Variants in STARD9 observed in about 807,000 individuals in gnomAD.
STARD9 encodes the protein stAR-related lipid transfer protein 9.
Under a neutral mutation model 399.8 loss-of-function variants are expected in STARD9, and 346 were observed. The observed-to-expected ratio is 0.87, with a 90% CI of 0.79 to 0.95. The LOEUF (loss-of-function observed/expected upper bound fraction) is 0.95, where lower values mean the gene tolerates loss of function less well. STARD9 is among the 40% of genes least tolerant of loss of function. The probability of loss-of-function intolerance (pLI) is 0.00; values close to 1 mark genes in which losing one functional copy is unlikely to be tolerated. For missense variants in STARD9, 5,832 were observed against 5,667.5 expected, an observed-to-expected ratio of 1.03 and a Z score of -0.93; for synonymous variants, 2,203 against 2,143.5, an observed-to-expected ratio of 1.03 and a Z score of -0.77.
At chr15:42,679,954 C>T (rs908966396) in intron 20 of STARD9, among the ~76,000 whole-genome samples, 4 of 152,102 alleles carry the variant, frequency 2.6e-5, no homozygotes, top group African/African-American at 7.2e-5. Context: ...GATATAGTTC[C>T]AGCATCAAAC....
At chr15:42,678,815 C>G (rs571516103) in intron 20 of STARD9, among the ~76,000 whole-genome samples, 1 of 152,318 alleles carries the variant, frequency 6.6e-6, no homozygotes, top group South Asian at 2.1e-4. Context: ...CCTTTGTAAT[C>G]TAGCCAGACA....
At chr15:42,581,456 G>C in intron 1 of STARD9, 2 of 1,531,476 alleles carry the variant, frequency 1.3e-6, no homozygotes, top group Non-Finnish European at 1.8e-6. Context: ...GGCTCTGGCT[G>C]GGCTGGTGGC....
rs531860719 is a variant in STARD9 at position 42,714,764 on chromosome 15, A to G, written c.13285-1913A>G. Among the ~76,000 whole-genome samples the G allele has an allele frequency of 3.3e-5, 5 of 151,486 alleles. No individual in the cohort carries two copies. In the East Asian group the frequency reaches 7.8e-4, roughly 24 times the overall value. ...TTATATTTTCTTGTAATACTTTTATACTCCTCCATCTCCCAGTATATCTTT... is the reference window on the plus strand; with the variant it reads ...TTATATTTTCTTGTAATACTTTTATGCTCCTCCATCTCCCAGTATATCTTT... On this transcript the variant is annotated intron_variant, in intron 26 of 32. Coordinates refer to ENST00000290607, the MANE Select transcript of STARD9 (RefSeq NM_020759.3).
rs967153235 is a variant in STARD9 at position 42,575,651 on chromosome 15, C to T, written c.-65C>T. 3.4e-5 allele frequency: 52 copies of T among 1,513,596 alleles called. No homozygotes were observed. The highest frequency in any genetic ancestry group is 4.5e-4 in the Middle Eastern group (2 of 4,436). The allele number at this position is 1,513,596 out of a possible 1,614,324, so 93.8% of individuals were successfully genotyped here. A position where few individuals can be genotyped will look rare whatever the true frequency, so the allele number is the denominator to read the frequency against. On this transcript the variant is annotated 5_prime_UTR_variant, in exon 1 of 33. Transcript: ENST00000290607. ...GGGCTGGGTTGGGGCTGTGTCTGGG[C>T]TTAGGGCGGGGGCCTGGGATGCTGC... is the stretch of plus-strand genomic sequence containing the variant.
chr15:42,687,008 C>T lies in STARD9; in HGVS notation c.5430C>T (p.Ala1810=). ...VLLQNQNSKI[A]SSQQVTAEIP... is the part of the protein sequence containing the mutation. ...TACAAAACCAGAATTCTAAGATTGC[C>T]TCATCTCAGCAGGTCACAGCTGAGA... Residue 1810 remains alanine, a synonymous_variant, in exon 23 of 33, where the codon GCC becomes GCT. Transcript: ENST00000290607. 1 of 1,536,954 alleles carries T rather than the reference C, an allele frequency of 6.5e-7. No individual in the cohort carries two copies. The highest frequency in any genetic ancestry group is 8.7e-7 in the Non-Finnish European group (1 of 1,146,854).
chr15:42,694,990 C>T (rs1324992174), intron 24 of STARD9, 150 bp from the exon 25 acceptor site: 14 of 783,138 alleles, frequency 1.8e-5, no homozygotes, highest in Middle Eastern at 3.8e-4. Context: ...AGCAACCTCT[C>T]CTGAGGCTAA....
At chr15:42,681,797 GA>G (rs1315141606) in intron 21 of STARD9, among the ~76,000 whole-genome samples, 185 bp downstream of exon 21, 1 of 152,208 alleles carries the variant, frequency 6.6e-6, no homozygotes, top group East Asian at 1.9e-4. Context: ...CAAGAATAAG[GA>G]CGCTAATTTC....
At chr15:42,581,267 G>GA (rs1229962543) in intron 1 of STARD9, 1 of 911,076 alleles carries the variant, frequency 1.1e-6, no homozygotes, top group Non-Finnish European at 1.9e-6. Flanking sequence ...ATATTGGGCA[G>GA]ATGGCAGGTG....
chr15:42,611,680 A>G (rs1392346343), intron 3 of STARD9, among the ~76,000 whole-genome samples: 2 of 152,064 alleles, frequency 1.3e-5, no homozygotes, highest in South Asian at 2.1e-4. Context: ...CAGTGTGTCT[A>G]CTTTATGCTT....
intron 8 of STARD9, 90 bp downstream of exon 8, chr15:42,651,175 T>C: frequency 1.1e-6 from 1 of 904,312 alleles, no homozygotes; most frequent in South Asian, 1.7e-5. Flanking sequence ...TAATGACACT[T>C]AAAATTGTCT....
chr15:42,683,586 TTCTTTTTTCTCTC>T (rs1405849916), intron 22 of STARD9, among the ~76,000 whole-genome samples: 1 of 152,220 alleles, frequency 6.6e-6, no homozygotes, highest in Admixed American at 6.5e-5. Flanking sequence ...ATTTACAGTT[TTCTTTTTTCTCTC>T]TCTTTTTTCT....
chr15:42,663,919 T>G lies in STARD9; in HGVS notation c.1176+2T>G. The G allele has an allele frequency of 6.6e-7, 1 of 1,524,640 alleles. No homozygotes were observed. Among genetic ancestry groups the G allele is most frequent in the Non-Finnish European group, 8.8e-7 (1 of 1,135,546 alleles). The allele number at this position is 1,524,640 out of a possible 1,614,324, so 94.4% of individuals were successfully genotyped here. On this transcript the variant is annotated splice_donor_variant, in intron 13 of 32. Coordinates refer to ENST00000290607, the MANE Select transcript of STARD9 (RefSeq NM_020759.3). LOFTEE classifies it high-confidence loss of function. ...ATCAACAAGCCACGAGTAAATGAGG[T>G]GAGACCTTTTCAGAAGTCCTGGTCT...
At chr15:42,588,997 T>A (rs2058342681) in intron 3 of STARD9, among the ~76,000 whole-genome samples, 1 of 151,650 alleles carries the variant, frequency 6.6e-6, no homozygotes, top group African/African-American at 2.4e-5. Flanking sequence ...GTATTTTTAG[T>A]AGAGACAGGG....
chr15:42,712,676 A>C (rs567147466), intron 26 of STARD9, among the ~76,000 whole-genome samples: 1 of 152,152 alleles, frequency 6.6e-6, no homozygotes, highest in Non-Finnish European at 1.5e-5. Flanking sequence ...ATTGATCTAC[A>C]TATCTATCCT....
chr15:42,695,968 G>T, intron 26 of STARD9, 88 bp downstream of exon 26: 1 of 1,406,390 alleles, frequency 7.1e-7, no homozygotes, highest in Non-Finnish European at 9.4e-7. Context: ...TGGAGTTTGG[G>T]CAAGACGCCG....
rs142538022 is a variant in STARD9, at chr15:42,619,796, A to G, written c.235-15060A>G. On this transcript the variant is annotated intron_variant, in intron 3 of 32. Transcript: ENST00000290607. The stretch of plus-strand genomic sequence containing the variant: ...TGTGTGGCCTGGTTCCTGGTTGGGG[A>G]GCCCTGACTCAAGCTTTACCCAATT... 8.3e-4 allele frequency among the ~76,000 whole-genome samples: 126 copies of G among 152,210 alleles called. 1 individual carries two copies. In the East Asian group the frequency reaches 0.022, roughly 27 times the overall value.
chr15:42,681,328 C>T, intron 20 of STARD9, 94 bp from the exon 21 acceptor site: 1 of 1,282,416 alleles, frequency 7.8e-7, no homozygotes, highest in Non-Finnish European at 1.0e-6. Context: ...CTGTTGATTG[C>T]AGGGGCTCTC....
chr15:42,686,642 C>T lies in STARD9; in HGVS notation c.5064C>T (p.Pro1688=), dbSNP rs764834185. ...NSAVQPGQLS[P]DSHYPLEEEK... is the part of the protein sequence containing the mutation. ...CAGTCCAGCCAGGGCAATTAAGTCC[C>T]GACAGCCACTACCCACTAGAGGAAG... Residue 1688 remains proline (P), a synonymous_variant, in exon 23 of 33, where the codon CCC becomes CCT. Transcript: ENST00000290607. 20 of 1,537,240 alleles carry T rather than the reference C, an allele frequency of 1.3e-5. No individual in the cohort carries two copies. Among genetic ancestry groups the T allele is most frequent in the Middle Eastern group, 1.7e-4 (1 of 5,990 alleles).
chr15:42,615,184 A>G (rs1242133875), intron 3 of STARD9, among the ~76,000 whole-genome samples: 3 of 151,600 alleles, frequency 2.0e-5, no homozygotes, highest in Non-Finnish European at 4.4e-5. Context: ...ATTTTTTTGT[A>G]TTTTTAGTAG....
Sources: allele counts gnomAD v4.1 joint callset (sites outside exome capture counted in the v4.1 genomes callset), GRCh38; gene constraint gnomAD v4.1.1; transcripts MANE v1.5; gene names NCBI Gene and HGNC (gene_info 2026-07-23, HGNC 2026-07-21).